ROBO2: variants seen among roughly 807,000 people sequenced by gnomAD.
ROBO2 encodes the protein roundabout guidance receptor 2.
In ROBO2, 53 loss-of-function variants were observed where a neutral mutation model predicts 160.8. The observed-to-expected ratio is 0.33, with a 90% confidence interval of 0.26 to 0.41. The LOEUF (loss-of-function observed/expected upper bound fraction) is 0.41, where lower values mean the gene tolerates loss of function less well. ROBO2 is among the 10% of genes least tolerant of loss of function. The pLI is 1.00. For missense variants in ROBO2, 1,577 were observed against 1,722.4 expected (o/e 0.92, Z 1.49); for synonymous variants, 664 against 611.7 (o/e 1.09, Z -1.26).
chr3:75,956,927 T>G (rs893594100), intron 2 of ROBO2, among the ~76,000 whole-genome samples: 2 of 151,742 alleles, frequency 1.3e-5, no homozygotes, highest in Admixed American at 6.6e-5. Flanking sequence ...CTTTCATTGT[T>G]GCTTTTTCTG....
intron 2 of ROBO2, among the ~76,000 whole-genome samples, chr3:76,917,659 G>A (rs2076406896): frequency 1.3e-5 from 2 of 152,182 alleles, no homozygotes; most frequent in South Asian, 4.1e-4. Context: ...ATGGTTTGTA[G>A]GGCCTTCTCA....
intron 2 of ROBO2, among the ~76,000 whole-genome samples, chr3:76,375,313 G>GA (rs1395326149): frequency 6.6e-6 from 1 of 151,916 alleles, no homozygotes; most frequent in African/African-American, 2.4e-5. Flanking sequence ...TTCAAAACCA[G>GA]GAAAAATGGC....
intron 2 of ROBO2, among the ~76,000 whole-genome samples, chr3:76,380,525 A>ACCTCCTCCTTTTTCG (rs2076567170): frequency 6.6e-6 from 1 of 151,684 alleles, no homozygotes. Context: ...CTCCTTTTTC[A>ACCTCCTCCTTTTTCG]CCTCCTCCTT....
At chr3:77,446,724 G>A (rs981065542) in intron 2 of ROBO2, among the ~76,000 whole-genome samples, 17 of 151,784 alleles carry the variant, frequency 1.1e-4, no homozygotes, top group Admixed American at 3.9e-4. Context: ...ATGAATGTCC[G>A]TTCTCCACAC....
chr3:76,491,342 T>C (rs17014275), intron 2 of ROBO2, among the ~76,000 whole-genome samples: 40,588 of 152,034 alleles, frequency 0.27, 6,607 homozygotes, highest in African/African-American at 0.44. Context: ...TCAGTCTTCC[T>C]CTCATCTTGT....
intron 5 of ROBO2, among the ~76,000 whole-genome samples, chr3:77,516,435 T>G (rs541445025): frequency 6.6e-6 from 1 of 151,708 alleles, no homozygotes; most frequent in African/African-American, 2.4e-5. Context: ...ACTTGAAAGC[T>G]CCCTGCCAAA....
intron 2 of ROBO2, among the ~76,000 whole-genome samples, chr3:76,127,894 CTTTTTTTT>C (rs10691388): frequency 8.5e-6 from 1 of 117,646 alleles, no homozygotes; most frequent in Non-Finnish European, 1.6e-5. Context: ...GAAGACATTT[CTTTTTTTT>C]TTTTTTTTTT....
At chr3:77,287,316 A>C (rs190306864) in intron 2 of ROBO2, among the ~76,000 whole-genome samples, 465 of 152,264 alleles carry the variant, frequency 3.1e-3, no homozygotes, top group African/African-American at 0.011. Context: ...TTTTTTTTTA[A>C]CATCGTTTAT....
intron 1 of ROBO2, among the ~76,000 whole-genome samples, chr3:77,093,698 A>G (rs527500676): frequency 6.6e-6 from 1 of 152,312 alleles, no homozygotes; most frequent in South Asian, 2.1e-4. Flanking sequence ...TTTTAATAAC[A>G]TTGTAAAACT....
At chr3:75,951,819 A>G (rs1948547313) in intron 2 of ROBO2, among the ~76,000 whole-genome samples, 1 of 152,030 alleles carries the variant, frequency 6.6e-6, no homozygotes, top group Non-Finnish European at 1.5e-5. Context: ...AAATGTCCAA[A>G]TCTTTTTTTG....
chr3:77,449,079 A>G (rs911766571), intron 2 of ROBO2, among the ~76,000 whole-genome samples: 7 of 152,274 alleles, frequency 4.6e-5, no homozygotes, highest in African/African-American at 1.4e-4. Flanking sequence ...TGAGTATTCA[A>G]TTAGATATGC....
At chr3:77,142,742 CT>C (rs142113610) in intron 2 of ROBO2, among the ~76,000 whole-genome samples, 1,630 of 152,232 alleles carry the variant, frequency 0.011, 29 homozygotes, top group African/African-American at 0.037. Context: ...AAAGGGAGCC[CT>C]CTAGAGCTTG....
chr3:77,263,079 G>C (rs907396532), intron 2 of ROBO2, among the ~76,000 whole-genome samples: 2 of 151,894 alleles, frequency 1.3e-5, no homozygotes, highest in African/African-American at 2.4e-5. Flanking sequence ...AAATACCATC[G>C]ATCTCAGTGG....
At chr3:77,512,872 C>A (rs1411237515) in intron 5 of ROBO2, among the ~76,000 whole-genome samples, 3 of 151,890 alleles carry the variant, frequency 2.0e-5, no homozygotes, top group African/African-American at 7.2e-5. Flanking sequence ...TGGTTCAATT[C>A]ATAGTTTTTA....
At chr3:76,406,200 A>G (rs971260772) in intron 2 of ROBO2, among the ~76,000 whole-genome samples, 3 of 151,846 alleles carry the variant, frequency 2.0e-5, no homozygotes, top group African/African-American at 7.2e-5. Flanking sequence ...AGTTAGCACC[A>G]TATGAATTTT....
At chr3:77,141,738 G>A (rs189582461) in intron 2 of ROBO2, among the ~76,000 whole-genome samples, 11 of 152,250 alleles carry the variant, frequency 7.2e-5, no homozygotes, top group East Asian at 5.8e-4. Context: ...GGACAATAAC[G>A]TATGAATTTG....
chr3:76,338,947 C>T (rs184106330), intron 2 of ROBO2, among the ~76,000 whole-genome samples: 1 of 151,980 alleles, frequency 6.6e-6, no homozygotes, highest in East Asian at 1.9e-4. Context: ...TTAAGGATGC[C>T]TTCATGACTT....
At chr3:76,799,505 C>CAAA (rs34437179) in intron 2 of ROBO2, among the ~76,000 whole-genome samples, 8 of 145,340 alleles carry the variant, frequency 5.5e-5, no homozygotes, top group Admixed American at 1.4e-4. Context: ...TTAGATCTGA[C>CAAA]AAAAAAAAAA....
intron 2 of ROBO2, among the ~76,000 whole-genome samples, chr3:76,927,574 A>G (rs1252344070): frequency 1.3e-5 from 2 of 152,224 alleles, no homozygotes; most frequent in Non-Finnish European, 2.9e-5. Flanking sequence ...AAGAAATACC[A>G]TTTTATATCA....
Sources: gnomAD v4.1 joint callset for allele counts (sites outside exome capture counted in the v4.1 genomes callset) on GRCh38, gnomAD v4.1.1 for gene constraint, MANE v1.5 for transcripts, NCBI Gene and HGNC (gene_info 2026-07-23, HGNC 2026-07-21) for gene names.